The following ENTPD1 variants were observed in gnomAD, a reference collection of about 807,000 sequenced individuals.
ENTPD1 encodes the protein ATP diphosphohydrolase.
In ENTPD1, 33 loss-of-function variants were observed where a neutral mutation model predicts 57.0. The ratio of observed to expected loss-of-function variants is 0.58; its 90% CI spans 0.44 to 0.77. The LOEUF (loss-of-function observed/expected upper bound fraction) is 0.77, where lower values mean the gene tolerates loss of function less well. ENTPD1 is among the 30% of genes least tolerant of loss of function. ENTPD1 has a pLI of 0.00. For synonymous variants in ENTPD1, 202 were observed against 218.8 expected, an observed-to-expected ratio of 0.92 and a Z score of 0.68; for missense variants, 501 against 603.4, an observed-to-expected ratio of 0.83 and a Z score of 1.78.
intron 1 of ENTPD1, among the ~76,000 whole-genome samples, chr10:95,803,435 G>A (rs1037709535): frequency 6.6e-6 from 1 of 152,188 alleles, no homozygotes; most frequent in African/African-American, 2.4e-5. Flanking sequence ...TTGTGGTTTT[G>A]ATTTGCATTT....
At chr10:95,857,941 C>T (rs2098458112) in intron 7 of ENTPD1, among the ~76,000 whole-genome samples, 1 of 152,102 alleles carries the variant, frequency 6.6e-6, no homozygotes, top group Admixed American at 6.5e-5. Context: ...GCGGGCGGAT[C>T]ACGAGGTTAG....
chr10:95,838,351 G>A (rs886710236), intron 2 of ENTPD1, among the ~76,000 whole-genome samples: 1 of 152,190 alleles, frequency 6.6e-6, no homozygotes, highest in South Asian at 2.1e-4. Context: ...AAAATGAAAT[G>A]CATATGAATG....
chr10:95,810,578 A>G (rs2098301921), intron 1 of ENTPD1, among the ~76,000 whole-genome samples: 1 of 152,224 alleles, frequency 6.6e-6, no homozygotes, highest in Non-Finnish European at 1.5e-5. Context: ...TGCCTTTTTT[A>G]TTCTATGTAG....
At chr10:95,834,941 AAATTT>A (rs2098406017) in intron 2 of ENTPD1, among the ~76,000 whole-genome samples, 1 of 152,132 alleles carries the variant, frequency 6.6e-6, no homozygotes, top group Non-Finnish European at 1.5e-5. Context: ...AAAAATTTAA[AAATTT>A]AATTTATTTT....
At chr10:95,779,416 A>G (rs561045093) in intron 1 of ENTPD1, among the ~76,000 whole-genome samples, 4 of 152,270 alleles carry the variant, frequency 2.6e-5, no homozygotes, top group Admixed American at 1.3e-4. Context: ...GTCTCACTTT[A>G]AGGGTGTGTC....
At chr10:95,775,915 A>G (rs1240513607) in intron 1 of ENTPD1, among the ~76,000 whole-genome samples, 10 of 151,800 alleles carry the variant, frequency 6.6e-5, no homozygotes, top group Non-Finnish European at 1.5e-5. Context: ...GTCTCTTTTG[A>G]TCTTTGTTGG....
At chr10:95,742,644 G>C (rs939900796) in intron 1 of ENTPD1, among the ~76,000 whole-genome samples, 3 of 150,390 alleles carry the variant, frequency 2.0e-5, no homozygotes. Context: ...GGCCATTTCC[G>C]TGTCTTGGCA....
intron 1 of ENTPD1, among the ~76,000 whole-genome samples, chr10:95,742,692 A>G (rs564915366): frequency 6.6e-6 from 1 of 152,224 alleles, no homozygotes; most frequent in Non-Finnish European, 1.5e-5. Flanking sequence ...GGATGTGGAT[A>G]CAATGAATTC....
Position 95,772,600 on chromosome 10 carries a change from G to T in ENTPD1, c.16+16345G>T, listed in dbSNP as rs145612667. Among the ~76,000 whole-genome samples the T allele has an allele frequency of 4.0e-3, 608 of 152,252 alleles. 2 individuals carry two copies. Among genetic ancestry groups the T allele is most frequent in the African/African-American group, 0.012 (513 of 41,556 alleles). On this transcript the variant is annotated intron_variant, in intron 1 of 9. Coordinates refer to ENST00000371205, the MANE Select transcript of ENTPD1 (RefSeq NM_001776.6). ...CACTACTAATTCTAGTTCTCCTGCTGTTTCCATCACTTCTGTAGTCACTTT... is the reference window on the plus strand; with the variant it reads ...CACTACTAATTCTAGTTCTCCTGCTTTTTCCATCACTTCTGTAGTCACTTT...
At chr10:95,772,110 G>A (rs1228039016) in intron 1 of ENTPD1, among the ~76,000 whole-genome samples, 1 of 152,166 alleles carries the variant, frequency 6.6e-6, no homozygotes, top group African/African-American at 2.4e-5. Context: ...CTAAAAAAAT[G>A]CTAACAGTCA....
chr10:95,829,280 A>G (rs1165130958), intron 2 of ENTPD1, among the ~76,000 whole-genome samples: 1 of 152,234 alleles, frequency 6.6e-6, no homozygotes, highest in Admixed American at 6.5e-5. Context: ...TGATCCTCCC[A>G]GGGACCCTCT....
chr10:95,807,035 C>T (rs374009351), intron 1 of ENTPD1, among the ~76,000 whole-genome samples: 20 of 152,342 alleles, frequency 1.3e-4, no homozygotes, highest in African/African-American at 4.3e-4. Flanking sequence ...AACCACTGCT[C>T]TCTTCAGAGC....
rs2098450583 is a variant in ENTPD1 at position 95,854,302 on chromosome 10, A to ATTTC, written c.1075-6166_1075-6165insTTCT. ...TATCCCCTTTACCATTTTTTATTGC[A>ATTTC]TCTGTTTGATTCTTCCCTGTTTTCT... On this transcript the variant is annotated intron_variant, in intron 7 of 9. Transcript: ENST00000371205. Among the ~76,000 whole-genome samples, 6 of 151,890 alleles carry ATTTC rather than the reference A, an allele frequency of 4.0e-5. No homozygotes were observed. In the South Asian group the frequency reaches 1.2e-3, roughly 32 times the overall value.
chr10:95,833,226 T>G (rs891650472), intron 2 of ENTPD1, among the ~76,000 whole-genome samples: 17 of 152,368 alleles, frequency 1.1e-4, no homozygotes, highest in African/African-American at 3.8e-4. Flanking sequence ...AATGTGAATA[T>G]CCTTAATACC....
At chr10:95,707,399 G>A (rs2097962979), upstream of ENTPD1, among the ~76,000 whole-genome samples, 1 of 152,210 alleles carries the variant, frequency 6.6e-6, no homozygotes, top group South Asian at 2.1e-4. Flanking sequence ...AGAAAGGGCA[G>A]GCCTCCCACT....
chr10:95,698,611 A>G, the ENTPD1 span, among the ~76,000 whole-genome samples: 5 of 152,356 alleles, frequency 3.3e-5, no homozygotes, highest in East Asian at 9.6e-4. Context: ...ATAGGAGGAC[A>G]GAATAGTTTC....
chr10:95,852,405 C>A (rs112904079), intron 7 of ENTPD1, among the ~76,000 whole-genome samples: 4,071 of 152,220 alleles, frequency 0.027, 80 homozygotes, highest in South Asian at 0.08. Context: ...ATGGTAGTTT[C>A]TTTTGCTGTG....
chr10:95,807,843 AT>A (rs2098279505), intron 1 of ENTPD1, among the ~76,000 whole-genome samples: 1 of 152,218 alleles, frequency 6.6e-6, no homozygotes, highest in Non-Finnish European at 1.5e-5. Flanking sequence ...TTTTCTAGGT[AT>A]AGGATCATGT....
At chr10:95,755,894 A>G, upstream of ENTPD1, 1 of 1,521,426 alleles carries the variant, frequency 6.6e-7, no homozygotes, top group East Asian at 2.5e-5. Context: ...AGAGAGATGA[A>G]GAGGGAGGGA....
Sources: allele counts gnomAD v4.1 joint callset (sites outside exome capture counted in the v4.1 genomes callset), GRCh38; gene constraint gnomAD v4.1.1; transcripts MANE v1.5; gene names NCBI Gene and HGNC (gene_info 2026-07-23, HGNC 2026-07-21).